Variants in CHRNA7 observed in about 807,000 individuals in gnomAD.
CHRNA7 encodes neuronal acetylcholine receptor subunit alpha-7.
A neutral mutation model predicts 48.0 loss-of-function variants in CHRNA7; 17 were observed. That is an observed-to-expected ratio of 0.35 (90% CI 0.24 to 0.53). The LOEUF (loss-of-function observed/expected upper bound fraction) is 0.53. CHRNA7 is among the 20% of genes least tolerant of loss of function. The probability of loss-of-function intolerance (pLI) is 0.92; values close to 1 mark genes in which losing one functional copy is unlikely to be tolerated. For missense variants in CHRNA7, 155 were observed against 577.7 expected, an observed-to-expected ratio of 0.27 and a Z score of 7.50; for synonymous variants, 75 against 242.3, an observed-to-expected ratio of 0.31 and a Z score of 6.41.
chr15:32,030,705 G>C (rs776810863), intron 1 of CHRNA7, 56 bp downstream of exon 1: 7 of 1,543,320 alleles, frequency 4.5e-6, no homozygotes, highest in Non-Finnish European at 5.2e-6. Flanking sequence ...GGCACATCCC[G>C]GGCGCCTCTG....
chr15:32,135,819 G>T lies in CHRNA7; in HGVS notation c.351-18088G>T, dbSNP rs138861051. On this transcript the variant is annotated intron_variant, in intron 4 of 9. Coordinates refer to ENST00000306901, the MANE Select transcript of CHRNA7 (RefSeq NM_000746.6). Reference sequence around the variant, plus strand: ...CCAAAGCCAAAAAAAGATCCTAGAAGCGATGAGAGAAAAATAGATAGCTTG... The same window carrying T: ...CCAAAGCCAAAAAAAGATCCTAGAATCGATGAGAGAAAAATAGATAGCTTG... Among the ~76,000 whole-genome samples the T allele has an allele frequency of 1.9e-3, 286 of 152,256 alleles. 2 individuals carry two copies. In the East Asian group the frequency reaches 0.03, roughly 16 times the overall value.
At chr15:32,074,332 G>A (rs183311141) in intron 2 of CHRNA7, among the ~76,000 whole-genome samples, 2 of 145,062 alleles carry the variant, frequency 1.4e-5, no homozygotes, top group Admixed American at 1.4e-4. Context: ...TACTGCACTG[G>A]CTAAAACTTC....
intron 2 of CHRNA7, among the ~76,000 whole-genome samples, chr15:32,068,066 C>A (rs1370718665): frequency 2.0e-5 from 3 of 152,060 alleles, no homozygotes; most frequent in African/African-American, 7.2e-5. Flanking sequence ...ATTTTAAGCC[C>A]TTTGGGAGGC....
At chr15:32,031,938 A>G (rs1455768859) in intron 2 of CHRNA7, among the ~76,000 whole-genome samples, 1 of 152,130 alleles carries the variant, frequency 6.6e-6, no homozygotes, top group African/African-American at 2.4e-5. Context: ...GTTCATTGGG[A>G]GGGAGAGCAT....
rs1364629535 is a variant in CHRNA7, at chr15:32,169,047, AAGAC to A, written c.*594_*597del. 6.9e-6 allele frequency: 1 copy of A among 145,420 alleles called. No homozygotes were observed. Among genetic ancestry groups the A allele is most frequent in the Non-Finnish European group, 1.5e-5 (1 of 65,558 alleles). The allele number at this position is 145,420 out of a possible 1,614,324, so 9.0% of individuals were successfully genotyped here. ...GTTTCTACATTAAAAAAAAAAAAAA[AAGAC>A]AGACTGTTGGTCTTACTAAGGATGT... On this transcript the variant is annotated 3_prime_UTR_variant, in exon 10 of 10. Coordinates refer to ENST00000306901, the MANE Select transcript of CHRNA7 (RefSeq NM_000746.6).
intron 4 of CHRNA7, among the ~76,000 whole-genome samples, chr15:32,137,936 T>G (rs1167957110): frequency 6.6e-6 from 1 of 152,256 alleles, no homozygotes; most frequent in East Asian, 1.9e-4. Context: ...TACACACATA[T>G]GTTGATAGCA....
At chr15:32,121,929 G>A (rs1471597124) in intron 4 of CHRNA7, among the ~76,000 whole-genome samples, 1 of 152,182 alleles carries the variant, frequency 6.6e-6, no homozygotes, top group Admixed American at 6.5e-5. Context: ...CTAAGGAATT[G>A]CCACCAGTCC....
chr15:32,113,997 A>G (rs1458236815), intron 4 of CHRNA7, among the ~76,000 whole-genome samples: 1 of 144,738 alleles, frequency 6.9e-6, no homozygotes, highest in Non-Finnish European at 1.5e-5. Flanking sequence ...ATCCTGGGTG[A>G]CAGAGTGAGA....
intron 2 of CHRNA7, among the ~76,000 whole-genome samples, chr15:32,088,018 A>G (rs1191391392): frequency 1.3e-5 from 2 of 152,172 alleles, no homozygotes; most frequent in African/African-American, 2.4e-5. Context: ...AGTTTTGACA[A>G]TGCTTAATGT....
chr15:32,108,723 A>C (rs987099900), intron 3 of CHRNA7, among the ~76,000 whole-genome samples: 1 of 152,188 alleles, frequency 6.6e-6, no homozygotes, highest in Non-Finnish European at 1.5e-5. Flanking sequence ...TCCCAAGTCC[A>C]GCAGGATTTT....
chr15:32,039,355 T>G (rs2141168190), intron 2 of CHRNA7, among the ~76,000 whole-genome samples: 1 of 152,264 alleles, frequency 6.6e-6, no homozygotes, highest in African/African-American at 2.4e-5. Context: ...GAATACTGAT[T>G]TTTAGATCTT....
At chr15:32,142,286 G>C (rs144435475) in intron 4 of CHRNA7, among the ~76,000 whole-genome samples, 160 of 152,300 alleles carry the variant, frequency 1.1e-3, no homozygotes, top group Non-Finnish European at 6.8e-4. Flanking sequence ...GATCATGATG[G>C]ATAAGCTTTT....
chr15:32,098,871 A>ACCACACACACACAC (rs2050519510), intron 2 of CHRNA7: 1 of 134,708 alleles, frequency 7.4e-6, no homozygotes, highest in Non-Finnish European at 1.5e-5. Flanking sequence ...CCCCCCCACC[A>ACCACACACACACAC]ACACACACAC....
intron 4 of CHRNA7, among the ~76,000 whole-genome samples, chr15:32,128,436 ATCT>A (rs1270098161): frequency 6.6e-6 from 1 of 151,674 alleles, no homozygotes; most frequent in Non-Finnish European, 1.5e-5. Flanking sequence ...TCTTATTTCA[ATCT>A]TCTATGATTT....
At chr15:32,097,218 A>C (rs2050485742) in intron 2 of CHRNA7, among the ~76,000 whole-genome samples, 1 of 152,044 alleles carries the variant, frequency 6.6e-6, no homozygotes, top group African/African-American at 2.4e-5. Context: ...CTGCTCCTCC[A>C]TGCCCTCCTG....
chr15:32,102,898 T>G (rs1175766614), intron 3 of CHRNA7: 1 of 152,240 alleles, frequency 6.6e-6, no homozygotes, highest in Non-Finnish European at 1.5e-5. Context: ...ACAGCTTGAT[T>G]AGTTTCTCCT....
chr15:32,040,039 C>T (rs958526550), intron 2 of CHRNA7, among the ~76,000 whole-genome samples: 11 of 152,036 alleles, frequency 7.2e-5, no homozygotes, highest in South Asian at 2.1e-4. Context: ...CTTTGAAGTA[C>T]GCTCTATCTG....
intron 2 of CHRNA7, among the ~76,000 whole-genome samples, chr15:32,035,529 T>TA (rs769198883): frequency 4.6e-5 from 7 of 152,212 alleles, no homozygotes; most frequent in Non-Finnish European, 8.8e-5. Flanking sequence ...GTCATGCACT[T>TA]ACGTTTTGGC....
At chr15:32,044,607 A>G (rs1266749770) in intron 2 of CHRNA7, among the ~76,000 whole-genome samples, 1 of 151,930 alleles carries the variant, frequency 6.6e-6, no homozygotes, top group African/African-American at 2.4e-5. Context: ...CTTCTGCTCT[A>G]TTTTTTCTGC....
Sources: allele counts gnomAD v4.1 joint callset (sites outside exome capture counted in the v4.1 genomes callset), GRCh38; gene constraint gnomAD v4.1.1; transcripts MANE v1.5; gene names NCBI Gene and HGNC (gene_info 2026-07-23, HGNC 2026-07-21).